The following CFAP299 variants were observed in gnomAD, a reference collection of about 807,000 sequenced individuals.
CFAP299 encodes cilia and flagella associated protein 299.
In CFAP299, 21 loss-of-function variants were observed where a neutral mutation model predicts 27.0. The ratio of observed to expected loss-of-function variants is 0.78; its 90% CI spans 0.55 to 1.12. The LOEUF is 1.12. CFAP299 is among the 50% of genes most tolerant of loss of function. The probability of loss-of-function intolerance (pLI) is 0.00; values close to 1 mark genes in which losing one functional copy is unlikely to be tolerated. For missense variants in CFAP299, 310 were observed against 276.6 expected (o/e 1.12, Z -0.86); for synonymous variants, 104 against 98.1 (o/e 1.06, Z -0.36).
At chr4:80,495,432 T>C (rs2110144199) in intron 2 of CFAP299, among the ~76,000 whole-genome samples, 1 of 152,340 alleles carries the variant, frequency 6.6e-6, no homozygotes, top group South Asian at 2.1e-4. Flanking sequence ...TATGTACCCA[T>C]TTTCTCTTCA....
intron 5 of CFAP299, among the ~76,000 whole-genome samples, chr4:80,950,064 T>C (rs1396264935): frequency 6.6e-6 from 1 of 152,144 alleles, no homozygotes; most frequent in Non-Finnish European, 1.5e-5. Context: ...CAGGTACAGA[T>C]AGAACTTATA....
At chr4:80,449,802 A>G (rs933891032) in intron 2 of CFAP299, among the ~76,000 whole-genome samples, 3 of 151,884 alleles carry the variant, frequency 2.0e-5, no homozygotes, top group African/African-American at 4.8e-5. Flanking sequence ...AGAAAGGTCC[A>G]TAATCTCCTT....
At chr4:80,513,857 A>G (rs1222750335) in intron 2 of CFAP299, among the ~76,000 whole-genome samples, 1 of 152,140 alleles carries the variant, frequency 6.6e-6, no homozygotes, top group Admixed American at 6.6e-5. Context: ...TATAATGTGC[A>G]TATACACTAT....
At chr4:80,592,875 C>A (rs548955856) in intron 3 of CFAP299, among the ~76,000 whole-genome samples, 1 of 152,128 alleles carries the variant, frequency 6.6e-6, no homozygotes, top group Non-Finnish European at 1.5e-5. Flanking sequence ...AGTTTGGTGT[C>A]TATAGCACAG....
intron 5 of CFAP299, among the ~76,000 whole-genome samples, chr4:80,953,134 G>T (rs376636779): frequency 6.6e-6 from 1 of 152,090 alleles, no homozygotes; most frequent in African/African-American, 2.4e-5. Context: ...TATGGCTTCC[G>T]CAACGTCTCA....
At chr4:80,882,922 A>G (rs1042349077) in intron 4 of CFAP299, among the ~76,000 whole-genome samples, 1 of 152,196 alleles carries the variant, frequency 6.6e-6, no homozygotes, top group African/African-American at 2.4e-5. Flanking sequence ...GAATTCTTCA[A>G]GATGAAGAGG....
At chr4:80,579,153 C>A (rs78189861) in intron 2 of CFAP299, among the ~76,000 whole-genome samples, 6,448 of 152,120 alleles carry the variant, frequency 0.042, 422 homozygotes, top group African/African-American at 0.14. Context: ...TATCAGGGAC[C>A]CTGCTCCTCT....
intron 2 of CFAP299, among the ~76,000 whole-genome samples, chr4:80,529,514 A>T (rs1167094262): frequency 6.6e-6 from 1 of 152,164 alleles, no homozygotes; most frequent in African/African-American, 2.4e-5. Context: ...CATTTATGGT[A>T]AAGTTAGTTG....
chr4:80,393,198 A>T (rs1040921663), intron 2 of CFAP299, among the ~76,000 whole-genome samples: 2 of 151,956 alleles, frequency 1.3e-5, no homozygotes, highest in African/African-American at 4.9e-5. Context: ...TCAGGATATT[A>T]AAAAAAGAAA....
At chr4:80,798,370 G>A (rs1727992010) in intron 3 of CFAP299, among the ~76,000 whole-genome samples, 1 of 152,092 alleles carries the variant, frequency 6.6e-6, no homozygotes, top group Non-Finnish European at 1.5e-5. Flanking sequence ...GCCACTACTA[G>A]GGATAGGGAA....
chr4:80,617,826 T>C (rs1738372403), intron 3 of CFAP299, among the ~76,000 whole-genome samples: 1 of 152,142 alleles, frequency 6.6e-6, no homozygotes, highest in Admixed American at 6.6e-5. Flanking sequence ...TTTTCTTGTG[T>C]GGTCAAAACA....
At chr4:80,907,746 A>T (rs555051926) in intron 4 of CFAP299, among the ~76,000 whole-genome samples, 1 of 152,266 alleles carries the variant, frequency 6.6e-6, no homozygotes, top group South Asian at 2.1e-4. Context: ...GGTCCCTCTC[A>T]CAACACGTGG....
At chr4:80,374,067 G>A (rs1724284446) in intron 2 of CFAP299, among the ~76,000 whole-genome samples, 1 of 152,116 alleles carries the variant, frequency 6.6e-6, no homozygotes, top group African/African-American at 2.4e-5. Context: ...ACTCAGTGTA[G>A]GCCATTGCTT....
chr4:80,700,549 T>A (rs1721410349), intron 3 of CFAP299, among the ~76,000 whole-genome samples: 1 of 152,054 alleles, frequency 6.6e-6, no homozygotes, highest in African/African-American at 2.4e-5. Context: ...AGTAGCAGTA[T>A]ACAGCAAGCT....
intron 3 of CFAP299, among the ~76,000 whole-genome samples, chr4:80,629,685 G>C (rs1194958422): frequency 1.3e-5 from 2 of 151,994 alleles, no homozygotes; most frequent in Non-Finnish European, 2.9e-5. Context: ...TTCAAGACCA[G>C]CTTGGCGAAC....
intron 3 of CFAP299, among the ~76,000 whole-genome samples, chr4:80,697,068 G>A (rs1291692766): frequency 2.0e-5 from 3 of 152,114 alleles, no homozygotes; most frequent in Non-Finnish European, 4.4e-5. Flanking sequence ...TTTCTGCTGG[G>A]AGCAGTGGCT....
At chr4:80,601,894 A>T (rs1737370373) in intron 3 of CFAP299, among the ~76,000 whole-genome samples, 1 of 152,254 alleles carries the variant, frequency 6.6e-6, no homozygotes. Context: ...AATACTGTGC[A>T]TCCACAAAAA....
chr4:80,953,115 A>C (rs929687102), intron 5 of CFAP299, among the ~76,000 whole-genome samples: 1 of 152,222 alleles, frequency 6.6e-6, no homozygotes, highest in African/African-American at 2.4e-5. Context: ...AATAAGTTTT[A>C]AACAAGGTTA....
chr4:80,818,467 A>C (rs1486329526), intron 3 of CFAP299, among the ~76,000 whole-genome samples: 1 of 151,970 alleles, frequency 6.6e-6, no homozygotes, highest in South Asian at 2.1e-4. Flanking sequence ...CTTATATTGT[A>C]TTTGGCTCTG....
Sources: gnomAD v4.1 joint callset for allele counts (sites outside exome capture counted in the v4.1 genomes callset) on GRCh38, gnomAD v4.1.1 for gene constraint, MANE v1.5 for transcripts, NCBI Gene and HGNC (gene_info 2026-07-23, HGNC 2026-07-21) for gene names.